The following PAPLN variants were observed in gnomAD, a reference collection of about 807,000 sequenced individuals.
PAPLN encodes the protein papilin, proteoglycan like sulfated glycoprotein.
Under a neutral mutation model 159.0 loss-of-function variants are expected in PAPLN, and 146 were observed. That is an observed-to-expected ratio of 0.92 (90% CI 0.80 to 1.05). The LOEUF is 1.05. PAPLN is among the 50% of genes least tolerant of loss of function. The probability of loss-of-function intolerance (pLI) is 0.00; values close to 1 mark genes in which losing one functional copy is unlikely to be tolerated. For synonymous variants in PAPLN, 734 were observed against 702.9 expected, an observed-to-expected ratio of 1.04 and a Z score of -0.70; for missense variants, 1,720 against 1,743.9, an observed-to-expected ratio of 0.99 and a Z score of 0.24.
At position 73,272,514 on chromosome 14, in the gene PAPLN, G is replaced by T; in HGVS notation, c.3687G>T (p.Arg1229Ser). 1 of 1,562,656 alleles carries T rather than the reference G, an allele frequency of 6.4e-7. No homozygotes were observed. Among genetic ancestry groups the T allele is most frequent in the Non-Finnish European group, 8.8e-7 (1 of 1,142,568 alleles). The change falls in exon 27 of 27, where the codon AGG becomes AGT. Residue 1229 changes from arginine to serine, a missense_variant. Physicochemically the swap from Arg to Ser is moderately radical, Grantham distance 110. Transcript: ENST00000644200. ...CTGCAGCACCCACCGCCCAGCCCAG[G>T]GACCCTGGCAGGGACTGCGTCGACC... ...VVSPAPTAQP[R>S]DPGRDCVDQP...
At chr14:73,256,209 C>T (rs529699919) in intron 14 of PAPLN, among the ~76,000 whole-genome samples, 3 of 152,252 alleles carry the variant, frequency 2.0e-5, no homozygotes, top group East Asian at 3.9e-4. Flanking sequence ...AAGCCTGTCC[C>T]AGGGACTAGC....
At chr14:73,264,135 G>A in intron 20 of PAPLN, 76 bp from the exon 21 acceptor site, 1 of 1,602,276 alleles carries the variant, frequency 6.2e-7, no homozygotes, top group Non-Finnish European at 8.5e-7. Flanking sequence ...TCTGGCACGA[G>A]CACCGAGGCG....
Position 73,245,898 on chromosome 14 carries a change from C to A in PAPLN, c.232-175C>A. 1 of 873,942 alleles carries A rather than the reference C, an allele frequency of 1.1e-6. No individual in the cohort carries two copies. The highest frequency in any genetic ancestry group is 1.7e-6 in the Non-Finnish European group (1 of 591,868). The allele number at this position is 873,942 out of a possible 1,614,324, so 54.1% of individuals were successfully genotyped here. On this transcript the variant is annotated intron_variant, in intron 4 of 26. Coordinates refer to ENST00000644200, the MANE Select transcript of PAPLN (RefSeq NM_001365906.3). The surrounding 1 kb of genome is among the most constrained non-coding windows in gnomAD (Gnocchi z 4.2). The stretch of plus-strand genomic sequence containing the variant: ...TGGCCTTGCCCTCCACAGCCTAGAG[C>A]ACCATGGAGGGGCACGCACAGGAGT...
rs755808735 is a variant in PAPLN, at chr14:73,259,369, G to T, written c.1809G>T (p.Leu603=). 4 of 1,612,300 alleles carry T rather than the reference G, an allele frequency of 2.5e-6. No homozygotes were observed. The highest frequency in any genetic ancestry group is 1.7e-6 in the Non-Finnish European group (2 of 1,179,232). The part of the protein sequence containing the change: ...GDPRGDQGTH[L]SALGPAPSLQ... Reference sequence around the variant, plus strand: ...CCAGGGGCGACCAAGGCACCCACCTGTCAGCCCTGGGCCCCGCTCCCTCTC... The same window carrying T: ...CCAGGGGCGACCAAGGCACCCACCTTTCAGCCCTGGGCCCCGCTCCCTCTC... The change falls in exon 16 of 27, where the codon CTG becomes CTT. Residue 603 remains leucine (L), a synonymous_variant. Coordinates refer to ENST00000644200, the MANE Select transcript of PAPLN (RefSeq NM_001365906.3).
chr14:73,236,122 C>T (rs568679025), upstream of PAPLN, among the ~76,000 whole-genome samples: 17 of 152,108 alleles, frequency 1.1e-4, no homozygotes, highest in Non-Finnish European at 1.5e-4. Flanking sequence ...CAACCTCCCT[C>T]GTGTCCAGGA....
At position 73,264,272 on chromosome 14, in the gene PAPLN, A is replaced by G. The variant is rs1334835855; in HGVS notation, c.2923A>G (p.Thr975Ala). The change falls in exon 21 of 27, where the codon ACC (threonine) becomes GCC (alanine). Residue 975 changes from threonine (T) to alanine (A), a missense_variant. Coordinates refer to ENST00000644200, the MANE Select transcript of PAPLN (RefSeq NM_001365906.3). ...IHPLQAEDAG[T>A]YSCGSTRPGR... ...CCCCCTGCAGGCAGAGGACGCGGGC[A>G]CCTACAGCTGTGGCAGCACCCGGCC... The G allele has an allele frequency of 5.8e-5, 93 of 1,613,814 alleles. No individual in the cohort carries two copies. Among genetic ancestry groups the G allele is most frequent in the Non-Finnish European group, 7.5e-5 (89 of 1,179,994 alleles).
chr14:73,250,173 T>C, intron 6 of PAPLN, 59 bp downstream of exon 6: 1 of 1,507,436 alleles, frequency 6.6e-7, no homozygotes, highest in Non-Finnish European at 8.9e-7. Flanking sequence ...AGTGCGGGTG[T>C]TTCCCTGTCC....
Position 73,274,090 on chromosome 14 carries a change from A to G in PAPLN, c.*1426A>G, listed in dbSNP as rs1342717199. 6.6e-6 allele frequency: 1 copy of G among 152,212 alleles called. No homozygotes were observed. Among genetic ancestry groups the G allele is most frequent in the Non-Finnish European group, 1.5e-5 (1 of 68,064 alleles). The allele number at this position is 152,212 out of a possible 1,614,324, so 9.4% of individuals were successfully genotyped here. On this transcript the variant is annotated 3_prime_UTR_variant, in exon 27 of 27. Coordinates refer to ENST00000644200, the MANE Select transcript of PAPLN (RefSeq NM_001365906.3). ...CCTTAAGTAGGAATCTGTGAAGCAA[A>G]ATGTTTGCTGCCAAAGACAAATCAG... is the stretch of plus-strand genomic sequence containing the variant.
chr14:73,268,386 G>GT (rs2140310014), intron 25 of PAPLN, 171 bp from the exon 26 acceptor site: 1 of 629,538 alleles, frequency 1.6e-6, no homozygotes, highest in East Asian at 3.1e-5. Flanking sequence ...TCATCACCCA[G>GT]TAACCCAACC....
At chr14:73,264,025 C>G in intron 20 of PAPLN, 186 bp from the exon 21 acceptor site, 1 of 1,525,542 alleles carries the variant, frequency 6.6e-7, no homozygotes, top group Non-Finnish European at 8.8e-7. Flanking sequence ...CGTGACAGCT[C>G]CCTCCACCTC....
At chr14:73,254,801 CCTGCCTCTCT>C in intron 13 of PAPLN, 66 bp from the exon 14 acceptor site, 7 of 1,594,084 alleles carry the variant, frequency 4.4e-6, no homozygotes, top group Non-Finnish European at 4.3e-6. Context: ...GGCACCTTCC[CCTGCCTCTCT>C]CCATGTGGGT....
Position 73,254,552 on chromosome 14 carries a change from G to A in PAPLN, c.1342G>A (p.Val448Ile), listed in dbSNP as rs747187995. ...TGGCGTTGGCGTCCGGAAGCGGAGC[G>A]TTACTTGCCGGGGTGAAAGGGGTTC... ...SCGVGVRKRS[V>I]TCRGERGSLL... The change falls in exon 13 of 27, where the codon GTT becomes ATT. Residue 448 changes from valine (V) to isoleucine (I), a missense_variant. By Grantham distance (29) the Val-to-Ile change is conservative. Transcript: ENST00000644200. 6.2e-6 allele frequency: 10 copies of A among 1,613,932 alleles called. No homozygotes were observed. The highest frequency in any genetic ancestry group is 2.2e-5 in the South Asian group (2 of 91,092).
At chr14:73,257,692 A>G (rs1348949283) in intron 14 of PAPLN, among the ~76,000 whole-genome samples, 1 of 150,498 alleles carries the variant, frequency 6.6e-6, no homozygotes, top group Non-Finnish European at 1.5e-5. Flanking sequence ...TGTACACACT[A>G]TCTCAATCCC....
In PAPLN at chr14:73,261,340, T is replaced by C. The variant is rs137926439; in HGVS notation, c.2245+46T>C. 4 of 1,594,802 alleles carry C rather than the reference T, an allele frequency of 2.5e-6. No individual in the cohort carries two copies. In the African/African-American group the frequency reaches 4.0e-5, roughly 16 times the overall value. ...CTCCTTCTCGATGGGTAGACTCTGCTCCCACCATGCCTCCAGCCCCCACCC... is the reference window on the plus strand; with the variant it reads ...CTCCTTCTCGATGGGTAGACTCTGCCCCCACCATGCCTCCAGCCCCCACCC... On this transcript the variant is annotated intron_variant, in intron 18 of 26. Transcript: ENST00000644200.
intron 15 of PAPLN, 67 bp from the exon 16 acceptor site, chr14:73,259,202 A>G: frequency 2.6e-6 from 4 of 1,526,304 alleles, no homozygotes; most frequent in Admixed American, 2.1e-5. Context: ...GGTGGGTCCA[A>G]CGTGGACAGG....
chr14:73,251,641 C>T (rs1245165428), intron 8 of PAPLN, 23 bp from the exon 9 acceptor site: 1 of 1,613,550 alleles, frequency 6.2e-7, no homozygotes, highest in Non-Finnish European at 8.5e-7. Context: ...CTCTGGCTGA[C>T]TGAGGCGGTC....
At chr14:73,239,510 C>T (rs1171650527) in intron 1 of PAPLN, 4 of 487,532 alleles carry the variant, frequency 8.2e-6, no homozygotes, top group Middle Eastern at 5.4e-4. Context: ...TCTTTTTTTC[C>T]CCTCTGGAAC....
rs1423172659 is a variant in PAPLN at position 73,254,890 on chromosome 14, G to A, written c.1499G>A (p.Cys500Tyr). 2 of 1,611,944 alleles carry A rather than the reference G, an allele frequency of 1.2e-6. No individual in the cohort carries two copies. Among genetic ancestry groups the A allele is most frequent in the Non-Finnish European group, 1.7e-6 (2 of 1,179,954 alleles). ...VGTWGLCSKS[C>Y]SSGTRRRQVI... ...CGTGGGCCTCAGTGCTCCAAGAGCTGCAGCTCGGGCACTCGGAGGCGACAG... is the reference window on the plus strand; with the variant it reads ...CGTGGGCCTCAGTGCTCCAAGAGCTACAGCTCGGGCACTCGGAGGCGACAG... Residue 500 changes from cysteine to tyrosine, a missense_variant, in exon 14 of 27, where the codon TGC becomes TAC. Coordinates refer to ENST00000644200, the MANE Select transcript of PAPLN (RefSeq NM_001365906.3).
chr14:73,272,697 T>C lies in PAPLN; in HGVS notation c.*33T>C. 7.3e-6 allele frequency: 11 copies of C among 1,510,696 alleles called. No homozygotes were observed. The highest frequency in any genetic ancestry group is 9.9e-6 in the Non-Finnish European group (11 of 1,114,874). 93.6% of individuals were successfully genotyped at this position (1,510,696 alleles called of 1,614,324 possible). On this transcript the variant is annotated 3_prime_UTR_variant, in exon 27 of 27. Transcript: ENST00000644200. Reference sequence around the variant, plus strand: ...GGCTAGTTCCAGCCCCAGTCCAAAATAGTTCATAGGGCTAGGGAGAAAGGA... The same window carrying C: ...GGCTAGTTCCAGCCCCAGTCCAAAACAGTTCATAGGGCTAGGGAGAAAGGA...
Sources: gnomAD v4.1 joint callset for allele counts (sites outside exome capture counted in the v4.1 genomes callset) on GRCh38, gnomAD v4.1.1 for gene constraint, Gnocchi (gnomAD v3.1) non-coding constraint, MANE v1.5 for transcripts, NCBI Gene and HGNC (gene_info 2026-07-23, HGNC 2026-07-21) for gene names.